RNF150: variants seen among roughly 807,000 people sequenced by gnomAD.
RNF150 encodes ring finger protein 150.
In RNF150, 24 loss-of-function variants were observed where a neutral mutation model predicts 39.3. The observed-to-expected ratio is 0.61, with a 90% CI of 0.44 to 0.86. RNF150 has a LOEUF of 0.86. Ranked by LOEUF, RNF150 falls within the 40% of genes least tolerant of loss-of-function variation. The probability of loss-of-function intolerance (pLI) is 0.00; values close to 1 mark genes in which losing one functional copy is unlikely to be tolerated. For synonymous variants in RNF150, 255 were observed against 227.3 expected (o/e 1.12, Z -1.10); for missense variants, 502 against 587.8 (o/e 0.85, Z 1.51).
At chr4:140,993,347 C>A (rs894646355) in intron 1 of RNF150, among the ~76,000 whole-genome samples, 2 of 152,258 alleles carry the variant, frequency 1.3e-5, no homozygotes, top group East Asian at 3.9e-4. Context: ...CTCATGCTTC[C>A]CTTTTATACG....
chr4:141,022,046 C>T (rs750685880), intron 1 of RNF150, among the ~76,000 whole-genome samples: 2 of 152,082 alleles, frequency 1.3e-5, no homozygotes, highest in Admixed American at 6.6e-5. Flanking sequence ...TTGCTGTGGT[C>T]GTAGCAATTG....
chr4:140,981,836 C>T (rs567244940), intron 1 of RNF150, among the ~76,000 whole-genome samples: 3 of 152,142 alleles, frequency 2.0e-5, no homozygotes, highest in Admixed American at 2.0e-4. Flanking sequence ...GCATTCTGCT[C>T]GAAGTCTTTT....
intron 1 of RNF150, among the ~76,000 whole-genome samples, chr4:140,998,345 TAAG>T (rs1205242623): frequency 6.6e-6 from 1 of 152,154 alleles, no homozygotes; most frequent in African/African-American, 2.4e-5. Context: ...GGTGGCCTTC[TAAG>T]AAGAGGAAGA....
At chr4:141,154,351 G>A (rs562342514) in intron 1 of RNF150, among the ~76,000 whole-genome samples, 1 of 152,300 alleles carries the variant, frequency 6.6e-6, no homozygotes, top group South Asian at 2.1e-4. Flanking sequence ...AACATCACAG[G>A]CCTGCATAAT....
intron 1 of RNF150, among the ~76,000 whole-genome samples, chr4:141,059,942 G>A (rs1737146541): frequency 6.6e-6 from 1 of 151,774 alleles, no homozygotes; most frequent in Admixed American, 6.6e-5. Context: ...TATGTGAAGA[G>A]GTAAATTCTA....
chr4:141,177,936 A>C (rs536627574), intron 1 of RNF150, among the ~76,000 whole-genome samples: 1 of 152,302 alleles, frequency 6.6e-6, no homozygotes, highest in South Asian at 2.1e-4. Flanking sequence ...AATAGCAAAT[A>C]TGGTAATTAA....
intron 1 of RNF150, among the ~76,000 whole-genome samples, chr4:141,085,969 G>A (rs1388063829): frequency 1.3e-5 from 2 of 151,788 alleles, no homozygotes; most frequent in African/African-American, 4.8e-5. Context: ...AATAGGAAGA[G>A]TTTGAAGAGT....
At chr4:141,090,557 C>T (rs913491015) in intron 1 of RNF150, among the ~76,000 whole-genome samples, 1 of 152,132 alleles carries the variant, frequency 6.6e-6, no homozygotes, top group Non-Finnish European at 1.5e-5. Context: ...TTTAGAGGCT[C>T]ATGACCACCA....
chr4:141,039,725 G>C (rs1033480055), intron 1 of RNF150, among the ~76,000 whole-genome samples: 3 of 152,048 alleles, frequency 2.0e-5, no homozygotes, highest in African/African-American at 2.4e-5. Flanking sequence ...TGTAACAAGA[G>C]ACCCAAGAAG....
At chr4:141,188,221 G>A (rs961951294) in intron 1 of RNF150, among the ~76,000 whole-genome samples, 3 of 152,158 alleles carry the variant, frequency 2.0e-5, no homozygotes, top group Non-Finnish European at 4.4e-5. Flanking sequence ...GATCTGCTGT[G>A]AGTCTGATGG....
intron 2 of RNF150, among the ~76,000 whole-genome samples, chr4:140,963,848 A>G (rs888209365): frequency 6.6e-6 from 1 of 152,036 alleles, no homozygotes; most frequent in Admixed American, 6.6e-5. Flanking sequence ...TCTTGATTAA[A>G]AAATTCTTAA....
chr4:140,950,288 T>C (rs1732495068), intron 2 of RNF150, among the ~76,000 whole-genome samples: 1 of 152,242 alleles, frequency 6.6e-6, no homozygotes, highest in South Asian at 2.1e-4. Flanking sequence ...AATCATTTGC[T>C]TTCACTAATT....
chr4:141,208,769 C>T (rs1045366895), intron 1 of RNF150, among the ~76,000 whole-genome samples: 1 of 152,138 alleles, frequency 6.6e-6, no homozygotes, highest in Non-Finnish European at 1.5e-5. Context: ...TTGCCTGCCA[C>T]TGTTTTGTGG....
intron 1 of RNF150, among the ~76,000 whole-genome samples, chr4:141,192,720 C>T (rs564208286): frequency 6.6e-6 from 1 of 152,222 alleles, no homozygotes; most frequent in African/African-American, 2.4e-5. Flanking sequence ...CCAACAACAC[C>T]CTGCCAGGGT....
Position 140,868,876 on chromosome 4 carries a change from C to T in RNF150, c.1199-497G>A, listed in dbSNP as rs572126579. Among the ~76,000 whole-genome samples, 25 of 152,100 alleles carry T rather than the reference C, an allele frequency of 1.6e-4. No individual in the cohort carries two copies. In the South Asian group the frequency reaches 4.4e-3, roughly 27 times the overall value. Reference sequence around the variant, plus strand: ...ACAAAGGTTACCATTACACAATTCACGGAAGAGTGTAATATAAATGACCAA... The same window carrying T: ...ACAAAGGTTACCATTACACAATTCATGGAAGAGTGTAATATAAATGACCAA... On this transcript the variant is annotated intron_variant, in intron 6 of 6. Transcript: ENST00000515673.
chr4:140,984,280 C>T (rs1733952630), intron 1 of RNF150, among the ~76,000 whole-genome samples: 1 of 152,036 alleles, frequency 6.6e-6, no homozygotes, highest in Admixed American at 6.6e-5. Context: ...AGCTCAAGCT[C>T]CAAATAAAAC....
At chr4:140,887,241 T>C (rs1337246962) in intron 6 of RNF150, among the ~76,000 whole-genome samples, 1 of 152,206 alleles carries the variant, frequency 6.6e-6, no homozygotes, top group East Asian at 1.9e-4. Context: ...TCTTGAGAAA[T>C]AAACAATCTC....
At chr4:141,024,831 C>A (rs1318665309) in intron 1 of RNF150, among the ~76,000 whole-genome samples, 3 of 152,134 alleles carry the variant, frequency 2.0e-5, no homozygotes, top group Admixed American at 6.6e-5. Context: ...ATTAATTACA[C>A]TCTAAGGAGG....
chr4:140,997,917 G>A (rs569960023), intron 1 of RNF150, among the ~76,000 whole-genome samples: 6 of 152,152 alleles, frequency 3.9e-5, no homozygotes, highest in African/African-American at 1.4e-4. Flanking sequence ...AGGAATGAGA[G>A]GGAGACATAC....
Sources: gnomAD v4.1 joint callset for allele counts (sites outside exome capture counted in the v4.1 genomes callset) on GRCh38, gnomAD v4.1.1 for gene constraint, MANE v1.5 for transcripts, NCBI Gene and HGNC (gene_info 2026-07-23, HGNC 2026-07-21) for gene names.